The following NBAS variants were observed in gnomAD, a reference collection of about 807,000 sequenced individuals.
NBAS encodes NBAS subunit of NRZ tethering complex.
Under a neutral mutation model 302.5 loss-of-function variants are expected in NBAS, and 219 were observed. The ratio of observed to expected loss-of-function variants is 0.72; its 90% confidence interval spans 0.65 to 0.81. The LOEUF is 0.81. Ranked by LOEUF, NBAS falls within the 30% of genes least tolerant of loss-of-function variation. NBAS has a pLI of 0.00. For synonymous variants in NBAS, 1,118 were observed against 1,021.6 expected, an observed-to-expected ratio of 1.09 and a Z score of -1.80; for missense variants, 2,932 against 2,841.6, an observed-to-expected ratio of 1.03 and a Z score of -0.72.
At chr2:14,873,853 TA>T in the NBAS span, among the ~76,000 whole-genome samples, 1 of 151,200 alleles carries the variant, frequency 6.6e-6, no homozygotes, top group Non-Finnish European at 1.5e-5. Context: ...ATTTTTTTTT[TA>T]CTAAAAAAGT....
At chr2:14,976,302 G>T in the NBAS span, among the ~76,000 whole-genome samples, 2 of 152,202 alleles carry the variant, frequency 1.3e-5, no homozygotes, top group Admixed American at 6.5e-5. Context: ...GCCAGCATTT[G>T]CAGGCCATGG....
chr2:14,831,021 A>G, the NBAS span, among the ~76,000 whole-genome samples: 1 of 152,184 alleles, frequency 6.6e-6, no homozygotes, highest in African/African-American at 2.4e-5. Flanking sequence ...ACCATTGCCC[A>G]CGGCCTGGAA....
At chr2:15,074,837 G>T in the NBAS span, among the ~76,000 whole-genome samples, 1 of 152,144 alleles carries the variant, frequency 6.6e-6, no homozygotes, top group African/African-American at 2.4e-5. Context: ...CATATGGATA[G>T]AATTAAATGT....
chr2:15,271,724 T>C (rs1185431531), intron 44 of NBAS, among the ~76,000 whole-genome samples: 1 of 152,242 alleles, frequency 6.6e-6, no homozygotes, highest in African/African-American at 2.4e-5. Flanking sequence ...GCTAAGATTA[T>C]ACATATGCTC....
chr2:15,379,726 C>T lies in NBAS; in HGVS notation c.3466G>A (p.Ala1156Thr). The change falls in exon 30 of 52, where the codon GCC (alanine) becomes ACC (threonine). Residue 1156 changes from alanine (A) to threonine (T), a missense_variant. Physicochemically the swap from Ala to Thr is moderately conservative, Grantham distance 58. Transcript: ENST00000281513. ...ACSENPPAGI[A>T]HKGKPHYRVS... Reference sequence around the variant, plus strand: ...CTGTAGTGGGGTTTCCCTTTATGGGCTATACCAGCTGGAGGATTTTCTGAA... The same window carrying T: ...CTGTAGTGGGGTTTCCCTTTATGGGTTATACCAGCTGGAGGATTTTCTGAA... 1 of 1,614,054 alleles carries T rather than the reference C, an allele frequency of 6.2e-7. No individual in the cohort carries two copies.
At chr2:15,377,752 T>C (rs1190842185) in intron 30 of NBAS, among the ~76,000 whole-genome samples, 3 of 152,196 alleles carry the variant, frequency 2.0e-5, no homozygotes, top group Non-Finnish European at 4.4e-5. Flanking sequence ...GTAAAGCATA[T>C]GAAAATGCTG....
In NBAS at chr2:15,270,443, A is replaced by G. The variant is rs945512081; in HGVS notation, c.5724+5041T>C. ...CTCCCAAAGTGCTGGGATTACAGGC[A>G]TGAGCCACCATGCCCAGCCTGTCTT... On this transcript the variant is annotated intron_variant, in intron 44 of 51. Coordinates refer to ENST00000281513, the MANE Select transcript of NBAS (RefSeq NM_015909.4). Among the ~76,000 whole-genome samples, 4 of 152,172 alleles carry G rather than the reference A, an allele frequency of 2.6e-5. No individual in the cohort carries two copies. In the East Asian group the frequency reaches 7.7e-4, roughly 29 times the overall value.
chr2:15,531,070 C>T (rs953586663), intron 9 of NBAS, among the ~76,000 whole-genome samples: 17 of 152,098 alleles, frequency 1.1e-4, no homozygotes, highest in Non-Finnish European at 1.8e-4. Context: ...CAATTCTATC[C>T]GGTCAAATGA....
At chr2:15,020,336 G>T in the NBAS span, among the ~76,000 whole-genome samples, 1 of 152,332 alleles carries the variant, frequency 6.6e-6, no homozygotes, top group East Asian at 1.9e-4. Context: ...GTGATATGAG[G>T]AATAAATGGA....
the NBAS span, among the ~76,000 whole-genome samples, chr2:15,148,576 A>T: frequency 6.6e-6 from 1 of 152,232 alleles, no homozygotes; most frequent in Non-Finnish European, 1.5e-5. Context: ...CGCCCTAACA[A>T]AACAAAAACT....
chr2:15,346,027 A>C (rs1447321425), intron 35 of NBAS, among the ~76,000 whole-genome samples: 2 of 152,228 alleles, frequency 1.3e-5, no homozygotes, highest in Non-Finnish European at 2.9e-5. Flanking sequence ...TAAAGACTTA[A>C]ATGTAAAACC....
the NBAS span, among the ~76,000 whole-genome samples, chr2:14,962,467 C>T: frequency 6.6e-6 from 1 of 152,116 alleles, no homozygotes; most frequent in Non-Finnish European, 1.5e-5. Flanking sequence ...AAAGAATCTA[C>T]CCAGATTCTC....
the NBAS span, among the ~76,000 whole-genome samples, chr2:14,958,412 A>AG: frequency 4.8e-4 from 73 of 152,350 alleles, no homozygotes; most frequent in East Asian, 7.9e-3. Context: ...GAAAATGCTA[A>AG]GGGGCACTGG....
the NBAS span, among the ~76,000 whole-genome samples, chr2:15,091,165 G>A: frequency 3.9e-5 from 6 of 152,102 alleles, no homozygotes; most frequent in African/African-American, 1.4e-4. Flanking sequence ...CGGTTAATAC[G>A]TTATTGGCCT....
At chr2:15,016,345 G>T in the NBAS span, among the ~76,000 whole-genome samples, 3 of 152,206 alleles carry the variant, frequency 2.0e-5, no homozygotes, top group East Asian at 5.8e-4. Context: ...CCTACAACAC[G>T]TGGGAATTAT....
At chr2:15,012,039 G>A in the NBAS span, among the ~76,000 whole-genome samples, 4 of 151,938 alleles carry the variant, frequency 2.6e-5, no homozygotes, top group Admixed American at 6.6e-5. Flanking sequence ...CACCTCCAAA[G>A]GAACATAATA....
chr2:15,556,688 T>C (rs1664660913), intron 3 of NBAS, 95 bp downstream of exon 3: 7 of 1,192,864 alleles, frequency 5.9e-6, no homozygotes, highest in East Asian at 2.3e-5. Flanking sequence ...AACTTTATCA[T>C]GATCTAGAAT....
chr2:15,156,522 A>G, the NBAS span, among the ~76,000 whole-genome samples: 472 of 152,326 alleles, frequency 3.1e-3, 1 homozygote, highest in African/African-American at 0.011. Context: ...CCTGTTCCTC[A>G]TAGATGGTGG....
chr2:14,790,691 G>C, the NBAS span, among the ~76,000 whole-genome samples: 1 of 123,300 alleles, frequency 8.1e-6, no homozygotes, highest in Non-Finnish European at 1.6e-5. Context: ...CACACTTGTT[G>C]CCCAGGCTGG....
Sources: gnomAD v4.1 joint callset for allele counts (sites outside exome capture counted in the v4.1 genomes callset) on GRCh38, gnomAD v4.1.1 for gene constraint, MANE v1.5 for transcripts, NCBI Gene and HGNC (gene_info 2026-07-23, HGNC 2026-07-21) for gene names.